The following SRFBP1 variants were observed in gnomAD, a reference collection of about 807,000 sequenced individuals.
SRFBP1 encodes the protein serum response factor binding protein 1, also known as serum response factor-binding protein 1.
A neutral mutation model predicts 45.5 loss-of-function variants in SRFBP1; 47 were observed. The observed-to-expected ratio is 1.03, with a 90% CI of 0.82 to 1.32. The LOEUF (loss-of-function observed/expected upper bound fraction) is 1.32. SRFBP1 is among the 40% of genes most tolerant of loss of function. The pLI, the probability that SRFBP1 is intolerant of heterozygous loss-of-function variation, is 0.00. For synonymous variants in SRFBP1, 203 were observed against 166.3 expected (o/e 1.22, Z -1.70); for missense variants, 621 against 484.6 (o/e 1.28, Z -2.64).
intron 4 of SRFBP1, among the ~76,000 whole-genome samples, chr5:122,011,834 C>T (rs969577211): frequency 6.6e-6 from 1 of 152,016 alleles, no homozygotes; most frequent in African/African-American, 2.4e-5. Flanking sequence ...CTGCAGTAAC[C>T]CAGTGCAGTA....
At chr5:121,964,195 CT>C (rs140145683) in intron 1 of SRFBP1, among the ~76,000 whole-genome samples, 285 of 148,936 alleles carry the variant, frequency 1.9e-3, no homozygotes, top group African/African-American at 6.2e-3. Context: ...AAACTTTAAT[CT>C]TTTTTTTTTA....
rs76320194 is a variant in SRFBP1 at position 122,066,212 on chromosome 5, A to G, written n.312-9103A>G. The G allele has an allele frequency of 5.1e-3, 773 of 152,288 alleles. 19 individuals carry two copies. In the East Asian group the frequency reaches 0.052, roughly 10 times the overall value. 9.4% of individuals were successfully genotyped at this position (152,288 alleles called of 1,614,324 possible). ...ATTGCCATTTCTCTGCTATATAGTA[A>G]TATTTCTTGACACCAATGGTAATGT... On this transcript the variant is annotated intron_variant and non_coding_transcript_variant, in intron 2 of 2. Coordinates refer to the SRFBP1 transcript ENST00000504881.
At chr5:122,058,756 G>T (rs1271683414) in intron 2 of SRFBP1, among the ~76,000 whole-genome samples, 1 of 152,052 alleles carries the variant, frequency 6.6e-6, no homozygotes, top group Non-Finnish European at 1.5e-5. Context: ...TGGGGCATTT[G>T]ATTTAATATT....
chr5:122,040,147 T>A lies in SRFBP1; in HGVS notation n.311+17740T>A, dbSNP rs1423264288. Among the ~76,000 whole-genome samples the A allele has an allele frequency of 2.0e-5, 3 of 152,136 alleles. No homozygotes were observed. The South Asian group carries it at 6.2e-4, about 31-fold the overall frequency. The stretch of plus-strand genomic sequence containing the variant: ...TTTTTTAATTATGTTGGGTCATTAC[T>A]TTTGATTAATTTTAGGAATTATTTG... On this transcript the variant is annotated intron_variant and non_coding_transcript_variant, in intron 2 of 2. Coordinates refer to the SRFBP1 transcript ENST00000504881.
intron 7 of SRFBP1, among the ~76,000 whole-genome samples, chr5:122,024,602 A>C (rs1327883794): frequency 6.6e-6 from 1 of 152,292 alleles, no homozygotes; most frequent in South Asian, 2.1e-4. Context: ...ATTGGCCATA[A>C]CTCAATTAGC....
intron 3 of SRFBP1, among the ~76,000 whole-genome samples, chr5:121,982,244 T>C (rs1055990822): frequency 3.3e-5 from 5 of 151,950 alleles, no homozygotes; most frequent in Non-Finnish European, 7.4e-5. Flanking sequence ...GTTAGCCTTC[T>C]GTACTTAACT....
At chr5:122,073,966 G>A (rs761465585) in intron 2 of SRFBP1, 19 of 1,573,802 alleles carry the variant, frequency 1.2e-5, no homozygotes, top group African/African-American at 4.0e-5. Context: ...TAGATGACCC[G>A]TTTCTCTCTG....
intron 2 of SRFBP1, among the ~76,000 whole-genome samples, chr5:122,051,761 G>A (rs948587977): frequency 6.6e-5 from 10 of 151,934 alleles, no homozygotes; most frequent in African/African-American, 1.7e-4. Flanking sequence ...CATTCAAGGC[G>A]AATATTGATA....
intron 1 of SRFBP1, among the ~76,000 whole-genome samples, chr5:121,971,075 G>C (rs1017252311): frequency 6.6e-6 from 1 of 151,454 alleles, no homozygotes; most frequent in Admixed American, 6.6e-5. Context: ...GTAGACGTGA[G>C]CATGGTGAGG....
At chr5:122,033,050 T>A (rs1417544951), downstream of SRFBP1, among the ~76,000 whole-genome samples, 1 of 152,176 alleles carries the variant, frequency 6.6e-6, no homozygotes, top group Non-Finnish European at 1.5e-5. Context: ...TCTATGTAAT[T>A]TGGCTGTGTA....
At position 121,974,177 on chromosome 5, in the gene SRFBP1, A is replaced by G. The variant is rs1752254620; in HGVS notation, c.37-19A>G. On this transcript the variant is annotated intron_variant, in intron 1 of 7. Coordinates refer to ENST00000339397, the MANE Select transcript of SRFBP1 (RefSeq NM_152546.3). ...TGAAGTAAGTGCCTTTCTTCTAATT[A>G]TTGCTTTATTCTTCAAAGGTTGTGA... is the stretch of plus-strand genomic sequence containing the variant. 2 of 1,579,564 alleles carry G rather than the reference A, an allele frequency of 1.3e-6. No homozygotes were observed. The highest frequency in any genetic ancestry group is 1.3e-5 in the African/African-American group (1 of 74,124).
chr5:122,025,658 A>T (rs1268931494), intron 7 of SRFBP1, among the ~76,000 whole-genome samples: 2 of 152,174 alleles, frequency 1.3e-5, no homozygotes, highest in African/African-American at 4.8e-5. Context: ...CTCTTTGAAT[A>T]TTGTAACAGA....
chr5:122,060,648 G>A (rs1405600828), intron 2 of SRFBP1, among the ~76,000 whole-genome samples: 1 of 152,020 alleles, frequency 6.6e-6, no homozygotes, highest in Non-Finnish European at 1.5e-5. Context: ...CTTTTTTCTG[G>A]TCAATAAGCT....
intron 5 of SRFBP1, among the ~76,000 whole-genome samples, chr5:122,019,790 C>T (rs919550875): frequency 2.0e-5 from 3 of 151,730 alleles, no homozygotes; most frequent in Admixed American, 1.3e-4. Flanking sequence ...TTAAAGTTGC[C>T]ATTCCCTTTT....
At chr5:122,069,724 T>A (rs993336052) in intron 2 of SRFBP1, among the ~76,000 whole-genome samples, 2 of 152,086 alleles carry the variant, frequency 1.3e-5, no homozygotes, top group Non-Finnish European at 2.9e-5. Context: ...AAGAAGCAAC[T>A]ACTGGGGCTT....
At chr5:121,998,322 A>G (rs1036170013) in intron 4 of SRFBP1, among the ~76,000 whole-genome samples, 3 of 150,456 alleles carry the variant, frequency 2.0e-5, no homozygotes, top group Middle Eastern at 3.4e-3. Flanking sequence ...ACACCATGGA[A>G]TACTATGCAG....
At chr5:122,073,827 G>C (rs1185948061) in intron 2 of SRFBP1, among the ~76,000 whole-genome samples, 1 of 152,110 alleles carries the variant, frequency 6.6e-6, no homozygotes, top group Non-Finnish European at 1.5e-5. Context: ...ATAAAAGAGA[G>C]GTGAGAGGAA....
Position 121,990,374 on chromosome 5 carries a change from C to T in SRFBP1, c.199-4225C>T, listed in dbSNP as rs539004351. On this transcript the variant is annotated intron_variant, in intron 3 of 7. Coordinates refer to ENST00000339397, the MANE Select transcript of SRFBP1 (RefSeq NM_152546.3). Reference sequence around the variant, plus strand: ...TTTTCACTTACAAGTAGGAGCTAATCATTGAGTACCTATGGACTTAAAATG... The same window carrying T: ...TTTTCACTTACAAGTAGGAGCTAATTATTGAGTACCTATGGACTTAAAATG... Among the ~76,000 whole-genome samples the T allele has an allele frequency of 2.6e-5, 4 of 152,142 alleles. No individual in the cohort carries two copies. The East Asian group carries it at 7.7e-4, about 29-fold the overall frequency.
At chr5:122,052,338 G>C (rs1454303922) in intron 2 of SRFBP1, among the ~76,000 whole-genome samples, 1 of 152,162 alleles carries the variant, frequency 6.6e-6, no homozygotes, top group African/African-American at 2.4e-5. Flanking sequence ...TCTGAAATAT[G>C]TTTTTCAAGT....
Sources: allele counts gnomAD v4.1 joint callset (sites outside exome capture counted in the v4.1 genomes callset), GRCh38; gene constraint gnomAD v4.1.1; transcripts MANE v1.5; gene names NCBI Gene and HGNC (gene_info 2026-07-23, HGNC 2026-07-21).